Variants in PBX1 observed in about 807,000 individuals in gnomAD.
PBX1 encodes pre-B-cell leukemia transcription factor 1.
Under a neutral mutation model 53.4 loss-of-function variants are expected in PBX1, and 6 were observed. The ratio of observed to expected loss-of-function variants is 0.11; its 90% CI spans 0.06 to 0.22. The LOEUF is 0.22. Among genes scored for constraint, PBX1 ranks in the 10% least tolerant of loss-of-function variants. The probability of loss-of-function intolerance (pLI) is 1.00; values close to 1 mark genes in which losing one functional copy is unlikely to be tolerated. For synonymous variants in PBX1, 204 were observed against 212.3 expected, an observed-to-expected ratio of 0.96 and a Z score of 0.34; for missense variants, 251 against 551.4, an observed-to-expected ratio of 0.46 and a Z score of 5.46.
In PBX1 at chr1:164,702,804, T is replaced by C. The variant is rs184745003; in HGVS notation, c.266-89690T>C. Among the ~76,000 whole-genome samples the C allele has an allele frequency of 3.7e-3, 564 of 152,144 alleles. 9 individuals are homozygous for C. Among genetic ancestry groups the C allele is most frequent in the Middle Eastern group, 0.027 (8 of 294 alleles). On this transcript the variant is annotated intron_variant, in intron 2 of 8. Transcript: ENST00000420696. ...GTGTCTATAGGATGAGGAGGAAAAT[T>C]CTTCTTCTCGTTGACATTGTGTAGG...
At chr1:164,742,598 A>C (rs1288989053) in intron 2 of PBX1, among the ~76,000 whole-genome samples, 3 of 152,192 alleles carry the variant, frequency 2.0e-5, no homozygotes. Flanking sequence ...ATTTTAAACC[A>C]AAAAGTAAGT....
In PBX1 at chr1:164,671,183, C is replaced by G. The variant is rs1241694400; in HGVS notation, c.265+107872C>G. 4.8e-5 allele frequency among the ~76,000 whole-genome samples: 7 copies of G among 145,582 alleles called. 1 individual carries two copies. The Admixed American group carries it at 4.8e-4, about 10-fold the overall frequency. On this transcript the variant is annotated intron_variant, in intron 2 of 8. Transcript: ENST00000420696. ...GTGTTTTTCAAGTGCTAAGATAGCCCTTTTTTTTTTTTTAAAGTCAGAGAA... is the reference window on the plus strand; with the variant it reads ...GTGTTTTTCAAGTGCTAAGATAGCCGTTTTTTTTTTTTTAAAGTCAGAGAA...
At chr1:164,579,807 G>A (rs1654487533) in intron 2 of PBX1, among the ~76,000 whole-genome samples, 1 of 152,142 alleles carries the variant, frequency 6.6e-6, no homozygotes, top group South Asian at 2.1e-4. Context: ...TATGAAACAG[G>A]AGCCCAGAAT....
rs184417416 is a variant in PBX1, at chr1:164,795,999, G to T, written c.510+3261G>T. On this transcript the variant is annotated intron_variant, in intron 3 of 8. Transcript: ENST00000420696. ...ATTGTTTCACCCTGAGGTTATTAAA[G>T]AAAGAAGTCTTTTGAAGACATTTTT... Among the ~76,000 whole-genome samples, 595 of 151,142 alleles carry T rather than the reference G, an allele frequency of 3.9e-3. 10 individuals carry two copies. The highest frequency in any genetic ancestry group is 0.014 in the African/African-American group (569 of 41,210).
At chr1:164,698,366 C>T (rs1455733486) in intron 2 of PBX1, among the ~76,000 whole-genome samples, 3 of 152,106 alleles carry the variant, frequency 2.0e-5, no homozygotes, top group South Asian at 2.1e-4. Flanking sequence ...AAAGCAATTT[C>T]GTACATTGTA....
intron 2 of PBX1, among the ~76,000 whole-genome samples, chr1:164,620,174 A>G (rs1181899006): frequency 6.6e-6 from 1 of 152,218 alleles, no homozygotes; most frequent in Non-Finnish European, 1.5e-5. Flanking sequence ...GTGAGATCCT[A>G]TCAAAAAACC....
intron 2 of PBX1, among the ~76,000 whole-genome samples, chr1:164,719,364 A>G (rs1176563479): frequency 6.6e-6 from 1 of 152,188 alleles, no homozygotes; most frequent in East Asian, 1.9e-4. Context: ...TCTGAGTATA[A>G]TGAAGTTCTA....
Position 164,839,744 on chromosome 1 carries a change from A to G in PBX1, c.1201-6840A>G, listed in dbSNP as rs547090325. 2.6e-5 allele frequency among the ~76,000 whole-genome samples: 4 copies of G among 152,284 alleles called. No individual in the cohort carries two copies. In the South Asian group the frequency reaches 6.2e-4, roughly 24 times the overall value. On this transcript the variant is annotated intron_variant, in intron 8 of 8. Coordinates refer to ENST00000420696, the MANE Select transcript of PBX1 (RefSeq NM_002585.4). ...TTTGCAGCAAGGATTTCTATTCTCC[A>G]CCAGGAATGGCTGACTGCATTGCAC...
intron 2 of PBX1, among the ~76,000 whole-genome samples, chr1:164,737,178 G>C (rs905642351): frequency 1.3e-5 from 2 of 152,166 alleles, no homozygotes; most frequent in Non-Finnish European, 2.9e-5. Context: ...AAAGCTCCAA[G>C]TACAGGCCAT....
intron 7 of PBX1, 40 bp downstream of exon 7, chr1:164,820,224 G>A (rs1242983222): frequency 1.3e-5 from 14 of 1,096,486 alleles, no homozygotes; most frequent in Non-Finnish European, 1.8e-5. Flanking sequence ...GAATGCCTTA[G>A]AGTCCAAGAG....
intron 2 of PBX1, among the ~76,000 whole-genome samples, chr1:164,611,418 T>A (rs931489143): frequency 2.6e-5 from 4 of 151,962 alleles, no homozygotes; most frequent in African/African-American, 9.7e-5. Flanking sequence ...TTTTGTATTT[T>A]TAGTAGAGAC....
chr1:164,658,551 C>T (rs796692429), intron 2 of PBX1, among the ~76,000 whole-genome samples: 16 of 152,202 alleles, frequency 1.1e-4, no homozygotes, highest in African/African-American at 3.9e-4. Context: ...GCTTGATATC[C>T]CCGAGTGTGT....
At chr1:164,701,221 C>T (rs1171126489) in intron 2 of PBX1, among the ~76,000 whole-genome samples, 1 of 152,148 alleles carries the variant, frequency 6.6e-6, no homozygotes, top group African/African-American at 2.4e-5. Flanking sequence ...TGAGGCAGAG[C>T]TTCCAGGATA....
At chr1:164,675,068 A>T (rs1489467801) in intron 2 of PBX1, among the ~76,000 whole-genome samples, 1 of 152,142 alleles carries the variant, frequency 6.6e-6, no homozygotes, top group Non-Finnish European at 1.5e-5. Context: ...TGAGCTTTAG[A>T]TGTCTAGAAT....
chr1:164,597,260 T>C (rs1396902051), intron 2 of PBX1, among the ~76,000 whole-genome samples: 2 of 152,246 alleles, frequency 1.3e-5, no homozygotes, highest in African/African-American at 4.8e-5. Flanking sequence ...GATGGGTTTA[T>C]GTGGCCCCTC....
At chr1:164,584,817 T>A (rs1471340834) in intron 2 of PBX1, among the ~76,000 whole-genome samples, 2 of 152,076 alleles carry the variant, frequency 1.3e-5, no homozygotes, top group South Asian at 2.1e-4. Flanking sequence ...GGGCTCAGGT[T>A]CCAGTACCTT....
intron 8 of PBX1, among the ~76,000 whole-genome samples, chr1:164,842,051 C>T (rs550348323): frequency 3.9e-5 from 6 of 152,250 alleles, no homozygotes; most frequent in South Asian, 2.1e-4. Flanking sequence ...CTGCATCAAC[C>T]GTGTGCTGCT....
At chr1:164,799,650 G>A (rs758431960) in intron 3 of PBX1, 49 bp from the exon 4 acceptor site, 18 of 1,548,180 alleles carry the variant, frequency 1.2e-5, no homozygotes, top group Non-Finnish European at 1.5e-5. Context: ...CTTGATGCGT[G>A]TTGAGGCTTG....
chr1:164,649,596 G>T (rs1009216015), intron 2 of PBX1, among the ~76,000 whole-genome samples: 2 of 152,218 alleles, frequency 1.3e-5, no homozygotes, highest in Admixed American at 1.3e-4. Context: ...TTCCTAGATT[G>T]TGTCCCATGA....
Sources: allele counts gnomAD v4.1 joint callset (sites outside exome capture counted in the v4.1 genomes callset), GRCh38; gene constraint gnomAD v4.1.1; transcripts MANE v1.5; gene names NCBI Gene and HGNC (gene_info 2026-07-23, HGNC 2026-07-21).